Variants in GRIK1 observed in about 807,000 individuals in gnomAD.
GRIK1 encodes glutamate receptor ionotropic, kainate 1.
In GRIK1, 69 loss-of-function variants were observed where a neutral mutation model predicts 105.7. The observed-to-expected ratio is 0.65, with a 90% CI of 0.54 to 0.80. The LOEUF (loss-of-function observed/expected upper bound fraction) is 0.80, where lower values mean the gene tolerates loss of function less well. Among genes scored for constraint, GRIK1 ranks in the 30% least tolerant of loss-of-function variants. GRIK1 has a pLI of 0.00. For missense variants in GRIK1, 1,109 were observed against 1,167.3 expected, an observed-to-expected ratio of 0.95 and a Z score of 0.73; for synonymous variants, 438 against 431.3, an observed-to-expected ratio of 1.02 and a Z score of -0.19.
intron 1 of GRIK1, among the ~76,000 whole-genome samples, chr21:29,904,360 A>T (rs460726): frequency 0.23 from 33,975 of 149,058 alleles, 4,610 homozygotes; most frequent in African/African-American, 0.39. Context: ...GTTTTTTTTT[A>T]AAACTGAAAT....
intron 9 of GRIK1, among the ~76,000 whole-genome samples, chr21:29,594,398 T>A (rs2061373618): frequency 6.6e-6 from 1 of 152,214 alleles, no homozygotes; most frequent in Non-Finnish European, 1.5e-5. Flanking sequence ...ATTTCAGTAC[T>A]GTTCTACGAA....
At chr21:29,563,499 A>G (rs1263093698) in intron 14 of GRIK1, among the ~76,000 whole-genome samples, 3 of 152,202 alleles carry the variant, frequency 2.0e-5, no homozygotes, top group Non-Finnish European at 4.4e-5. Context: ...GAGTTATGCC[A>G]CAGCCCCGGA....
intron 1 of GRIK1, among the ~76,000 whole-genome samples, chr21:29,727,072 G>A (rs2064487192): frequency 6.6e-6 from 1 of 151,970 alleles, no homozygotes; most frequent in South Asian, 2.1e-4. Context: ...GTAGTTAGGA[G>A]CACAGGCATG....
intron 1 of GRIK1, among the ~76,000 whole-genome samples, chr21:29,779,037 G>T (rs1043491962): frequency 1.3e-5 from 2 of 152,128 alleles, no homozygotes; most frequent in Non-Finnish European, 1.5e-5. Context: ...CTTCCTATTT[G>T]GTCTGAGTAC....
intron 11 of GRIK1, among the ~76,000 whole-genome samples, chr21:29,587,990 T>TTTTTTTTTTG (rs1491321446): frequency 9.9e-5 from 13 of 131,214 alleles, no homozygotes; most frequent in African/African-American, 4.1e-4. Flanking sequence ...TTTTTTTTTT[T>TTTTTTTTTTG]GTGAGGCGGA....
intron 1 of GRIK1, among the ~76,000 whole-genome samples, chr21:29,711,810 G>A (rs1456404255): frequency 6.6e-6 from 1 of 151,600 alleles, no homozygotes; most frequent in African/African-American, 2.4e-5. Context: ...AAAGTTAGAC[G>A]TATTTTTAAA....
intron 1 of GRIK1, among the ~76,000 whole-genome samples, chr21:29,730,281 G>A (rs1261853035): frequency 6.6e-6 from 1 of 152,000 alleles, no homozygotes; most frequent in African/African-American, 2.4e-5. Context: ...CCACTCAGAA[G>A]GAAATTTTAT....
At chr21:29,824,176 A>G (rs921835848) in intron 1 of GRIK1, among the ~76,000 whole-genome samples, 2 of 152,010 alleles carry the variant, frequency 1.3e-5, no homozygotes, top group Non-Finnish European at 2.9e-5. Flanking sequence ...CTATAAATAT[A>G]TAAATATATC....
chr21:29,855,703 G>A (rs141273304), intron 1 of GRIK1, among the ~76,000 whole-genome samples: 1 of 152,160 alleles, frequency 6.6e-6, no homozygotes, highest in African/African-American at 2.4e-5. Flanking sequence ...TGGGGAAAGA[G>A]GCATAGGAAA....
chr21:29,784,918 T>G (rs978852907), intron 1 of GRIK1, among the ~76,000 whole-genome samples: 1 of 152,194 alleles, frequency 6.6e-6, no homozygotes, highest in Admixed American at 6.5e-5. Flanking sequence ...ATTTTGCAGC[T>G]GAAAAGCTCC....
At position 29,695,476 on chromosome 21, in the gene GRIK1, C is replaced by CTATCATCTATA. The variant is rs201600727; in HGVS notation, c.119-1414_119-1413insTATAGATGATA. ...TCTATCTATCTATCTATCTATCTATCTATATATATATATTTTGAGATGGAG... is the reference window on the plus strand; with the variant it reads ...TCTATCTATCTATCTATCTATCTATCTATCATCTATATATATATATATATTTTGAGATGGAG... On this transcript the variant is annotated intron_variant, in intron 1 of 17. Transcript: ENST00000327783. Among the ~76,000 whole-genome samples the CTATCATCTATA allele has an allele frequency of 5.2e-4, 73 of 140,026 alleles. 1 individual carries two copies. The East Asian group carries it at 0.014, about 28-fold the overall frequency. The allele number at this position is 140,026 out of a possible 152,430, so 91.9% of individuals were successfully genotyped here.
Position 29,561,670 on chromosome 21 carries a change from G to C in GRIK1, c.2310C>G (p.Ile770Met), listed in dbSNP as rs144877234. The change falls in exon 15 of 18, where the codon ATC (isoleucine) becomes ATG (methionine). Residue 770 changes from isoleucine to methionine, a missense_variant. By Grantham distance (10) the Ile-to-Met change is conservative. Coordinates refer to ENST00000327783, the MANE Select transcript of GRIK1 (RefSeq NM_001330994.2). The stretch of plus-strand genomic sequence containing the variant: ...AACCTTTGGAGTCAATGAGGCCCCC[G>C]ATCTGAGTGAGGTTGCAGTTTCTCT... ...VTQRNCNLTQ[I>M]GGLIDSKGYG... 1.2e-6 allele frequency: 2 copies of C among 1,613,962 alleles called. No individual in the cohort carries two copies. Among genetic ancestry groups the C allele is most frequent in the Non-Finnish European group, 1.7e-6 (2 of 1,179,882 alleles).
At chr21:29,887,587 A>G (rs1184854362) in intron 1 of GRIK1, among the ~76,000 whole-genome samples, 1 of 152,124 alleles carries the variant, frequency 6.6e-6, no homozygotes, top group Non-Finnish European at 1.5e-5. Context: ...TGTCTTGTAC[A>G]CATTTCAGGC....
At chr21:29,636,352 G>A (rs2062397879) in intron 7 of GRIK1, among the ~76,000 whole-genome samples, 1 of 152,136 alleles carries the variant, frequency 6.6e-6, no homozygotes, top group African/African-American at 2.4e-5. Flanking sequence ...CATGAGATTT[G>A]CCCAGATCAT....
Position 29,782,062 on chromosome 21 carries a change from G to C in GRIK1, c.119-87999C>G, listed in dbSNP as rs554157473. On this transcript the variant is annotated intron_variant, in intron 1 of 17. Coordinates refer to ENST00000327783, the MANE Select transcript of GRIK1 (RefSeq NM_001330994.2). Reference sequence around the variant, plus strand: ...GGCATTTGGGTACTGCCAACTCACTGTCCCGTATACAACACTGCAACACCT... The same window carrying C: ...GGCATTTGGGTACTGCCAACTCACTCTCCCGTATACAACACTGCAACACCT... Among the ~76,000 whole-genome samples, 14 of 150,342 alleles carry C rather than the reference G, an allele frequency of 9.3e-5. No homozygotes were observed. The East Asian group carries it at 1.8e-3, about 19-fold the overall frequency.
At chr21:29,824,315 G>C (rs1472354624) in intron 1 of GRIK1, among the ~76,000 whole-genome samples, 1 of 151,866 alleles carries the variant, frequency 6.6e-6, no homozygotes, top group Non-Finnish European at 1.5e-5. Context: ...ACATTTTTGT[G>C]AGTGTCTCCC....
intron 1 of GRIK1, among the ~76,000 whole-genome samples, chr21:29,785,823 C>G (rs754613108): frequency 3.9e-5 from 6 of 152,136 alleles, no homozygotes; most frequent in Admixed American, 6.5e-5. Flanking sequence ...AAGGCTTTAT[C>G]CCTCTGAGAG....
chr21:29,657,544 C>G (rs778840974), intron 4 of GRIK1: 2 of 152,154 alleles, frequency 1.3e-5, no homozygotes, highest in Non-Finnish European at 2.9e-5. Context: ...GAAAAATTCC[C>G]GTTCCTTTTC....
chr21:29,564,299 C>T (rs1364987986), intron 14 of GRIK1, among the ~76,000 whole-genome samples: 1 of 152,012 alleles, frequency 6.6e-6, no homozygotes, highest in Admixed American at 6.5e-5. Context: ...AGGCGCCCGC[C>T]ACTACACCCG....
Sources: gnomAD v4.1 joint callset for allele counts (sites outside exome capture counted in the v4.1 genomes callset) on GRCh38, gnomAD v4.1.1 for gene constraint, MANE v1.5 for transcripts, NCBI Gene and HGNC (gene_info 2026-07-23, HGNC 2026-07-21) for gene names.